TMEM86A: variants seen among roughly 807,000 people sequenced by gnomAD.
TMEM86A encodes the protein transmembrane protein 86A.
A neutral mutation model predicts 19.8 loss-of-function variants in TMEM86A; 13 were observed. That is an observed-to-expected ratio of 0.66 (90% CI 0.43 to 1.04). The LOEUF is 1.04. Among genes scored for constraint, TMEM86A ranks in the 50% least tolerant of loss-of-function variants. TMEM86A has a pLI of 0.00. For synonymous variants in TMEM86A, 128 were observed against 129.9 expected (o/e 0.99, Z 0.10); for missense variants, 248 against 306.8 (o/e 0.81, Z 1.43).
At position 18,701,548 on chromosome 11, in the gene TMEM86A, C is replaced by T. The variant is rs1253763994; in HGVS notation, c.287-25C>T. Reference sequence around the variant, plus strand: ...CATTCTTCATCAAGCTTGCCCTCAGCTGCCTTTGCCCCTCTTACCCCCAGG... The same window carrying T: ...CATTCTTCATCAAGCTTGCCCTCAGTTGCCTTTGCCCCTCTTACCCCCAGG... On this transcript the variant is annotated intron_variant, in intron 2 of 2. Transcript: ENST00000280734. This position sits in a 1 kb window ranked among gnomAD's most constrained non-coding sequence, Gnocchi z 5.3. 6.5e-7 allele frequency: 1 copy of T among 1,531,196 alleles called. No homozygotes were observed. The highest frequency in any genetic ancestry group is 8.8e-7 in the Non-Finnish European group (1 of 1,139,946). The allele number at this position is 1,531,196 out of a possible 1,614,324, so 94.9% of individuals were successfully genotyped here.
chr11:18,699,023 G>A lies in TMEM86A; in HGVS notation c.21+116G>A, dbSNP rs1848126841. ...GCCGAGGCGGGGCGGGGGTCCCGTG[G>A]CGGCCGGAGTCCCGCGGCGGGAGGC... On this transcript the variant is annotated intron_variant, in intron 1 of 2. Coordinates refer to ENST00000280734, the MANE Select transcript of TMEM86A (RefSeq NM_153347.3). This position sits in a 1 kb window ranked among gnomAD's most constrained non-coding sequence, Gnocchi z 4.0. The A allele has an allele frequency of 2.6e-6, 1 of 380,416 alleles. No homozygotes were observed. Among genetic ancestry groups the A allele is most frequent in the African/African-American group, 2.1e-5 (1 of 47,592 alleles). 23.6% of individuals were successfully genotyped at this position (380,416 alleles called of 1,614,324 possible).
At position 18,701,638 on chromosome 11, in the gene TMEM86A, C is replaced by G. The variant is rs779973876; in HGVS notation, c.352C>G (p.Leu118Val). Residue 118 changes from leucine to valine, a missense_variant, in exon 3 of 3, where the codon CTT becomes GTT. By Grantham distance (32) the Leu-to-Val change is conservative (BLOSUM62 1). Coordinates refer to ENST00000280734, the MANE Select transcript of TMEM86A (RefSeq NM_153347.3). The surrounding 1 kb of genome is among the most constrained non-coding windows in gnomAD (Gnocchi z 5.3). ...ASAFGMQPLA[L>V]RTGLVMAALS... ...GGCCTTTGGCATGCAGCCACTGGCT[C>G]TTCGGACAGGTCTGGTGATGGCAGC... 1.5e-5 allele frequency: 24 copies of G among 1,599,846 alleles called. No individual in the cohort carries two copies. In the Admixed American group the frequency reaches 3.9e-4, roughly 26 times the overall value.
In TMEM86A at chr11:18,701,091, A is replaced by G; in HGVS notation, c.180A>G (p.Gly60=). 6.2e-7 allele frequency: 1 copy of G among 1,614,008 alleles called. No individual in the cohort carries two copies. The highest frequency in any genetic ancestry group is 8.5e-7 in the Non-Finnish European group (1 of 1,180,012). The change falls in exon 2 of 3, where the codon GGA becomes GGG. Residue 60 remains glycine (G), a synonymous_variant. Coordinates refer to ENST00000280734, the MANE Select transcript of TMEM86A (RefSeq NM_153347.3). The surrounding 1 kb of genome is among the most constrained non-coding windows in gnomAD (Gnocchi z 5.3). ...LWLFLLAHGL[G]FLLAHPSATR... is the part of the protein sequence containing the mutation. ...TCTTCCTTCTGGCCCATGGCCTGGG[A>G]TTCCTGCTGGCCCACCCCAGCGCCA...
In TMEM86A at chr11:18,704,752, C is replaced by T. The variant is rs547524255; in HGVS notation, c.*2743C>T. 4.7e-5 allele frequency: 25 copies of T among 536,034 alleles called. No individual in the cohort carries two copies. The highest frequency in any genetic ancestry group is 8.1e-5 in the Non-Finnish European group (24 of 297,012). 33.2% of individuals were successfully genotyped at this position (536,034 alleles called of 1,614,324 possible). On this transcript the variant is annotated 3_prime_UTR_variant, in exon 3 of 3. Coordinates refer to ENST00000280734, the MANE Select transcript of TMEM86A (RefSeq NM_153347.3). ...GCAGTTGTGTACTGTCTCATTTAAGCCTCATAGTCCTATAAAGAAGATGAG... is the reference window on the plus strand; with the variant it reads ...GCAGTTGTGTACTGTCTCATTTAAGTCTCATAGTCCTATAAAGAAGATGAG...
chr11:18,700,481 T>C (rs778977019), intron 1 of TMEM86A: 128 of 172,704 alleles, frequency 7.4e-4, no homozygotes, highest in Non-Finnish European at 1.2e-3. Flanking sequence ...TTTCCCACAT[T>C]CCTGGCACAC....
At chr11:18,700,575 T>G in intron 1 of TMEM86A, 1 of 297,858 alleles carries the variant, frequency 3.4e-6, no homozygotes. Flanking sequence ...TCTCTGTGGT[T>G]TCCCACTGAC....
At position 18,702,603 on chromosome 11, in the gene TMEM86A, G is replaced by A; in HGVS notation, c.*594G>A. ...GTGGTGGGTGGGGACATGAAGAGGTGTGGGTCCAGGTTAGGCAGGAGAGAG... is the reference window on the plus strand; with the variant it reads ...GTGGTGGGTGGGGACATGAAGAGGTATGGGTCCAGGTTAGGCAGGAGAGAG... On this transcript the variant is annotated 3_prime_UTR_variant, in exon 3 of 3. Transcript: ENST00000280734. 1 of 157,366 alleles carries A rather than the reference G, an allele frequency of 6.4e-6. No homozygotes were observed. Among genetic ancestry groups the A allele is most frequent in the South Asian group, 1.9e-4 (1 of 5,230 alleles). 9.7% of individuals were successfully genotyped at this position (157,366 alleles called of 1,614,324 possible).
In TMEM86A at chr11:18,699,051, G is replaced by A. The variant is rs977406380; in HGVS notation, c.21+144G>A. The stretch of plus-strand genomic sequence containing the variant: ...GCCGGAGTCCCGCGGCGGGAGGCGG[G>A]CGCTGTCACCGCCCCCCGCTCCTCA... On this transcript the variant is annotated intron_variant, in intron 1 of 2. Coordinates refer to ENST00000280734, the MANE Select transcript of TMEM86A (RefSeq NM_153347.3). The surrounding 1 kb of genome is among the most constrained non-coding windows in gnomAD (Gnocchi z 4.0). 2.2e-5 allele frequency: 8 copies of A among 366,154 alleles called. No homozygotes were observed. The East Asian group carries it at 3.3e-4, about 15-fold the overall frequency. 22.7% of individuals were successfully genotyped at this position (366,154 alleles called of 1,614,324 possible). A position where few individuals can be genotyped will look rare whatever the true frequency, so the allele number is the denominator to read the frequency against.
rs1351853586 is a variant in TMEM86A at position 18,701,485 on chromosome 11, T to C, written c.287-88T>C. ...TGCTGGGTTATCCCAAACACTCCAC[T>C]CCATCGCCACATCCATCCCTACCCC... On this transcript the variant is annotated intron_variant, in intron 2 of 2. Coordinates refer to ENST00000280734, the MANE Select transcript of TMEM86A (RefSeq NM_153347.3). The surrounding 1 kb of genome is among the most constrained non-coding windows in gnomAD (Gnocchi z 5.3). 16 of 1,392,208 alleles carry C rather than the reference T, an allele frequency of 1.1e-5. No individual in the cohort carries two copies. The highest frequency in any genetic ancestry group is 1.4e-5 in the Non-Finnish European group (14 of 1,022,972). 86.2% of individuals were successfully genotyped at this position (1,392,208 alleles called of 1,614,324 possible).
chr11:18,701,821 G>T lies in TMEM86A; in HGVS notation c.535G>T (p.Ala179Ser). ...AGACTGGCGCTGGACAGAGCTGGCA[G>T]CTGGCAGTGGTGCACTCTTCTTTAT... is the stretch of plus-strand genomic sequence containing the variant. ...GADWRWTELA[A>S]GSGALFFIIS... The change falls in exon 3 of 3, where the codon GCT becomes TCT. Residue 179 changes from alanine to serine, a missense_variant. Transcript: ENST00000280734. The surrounding 1 kb of genome is among the most constrained non-coding windows in gnomAD (Gnocchi z 5.3). 6.2e-7 allele frequency: 1 copy of T among 1,614,162 alleles called. No homozygotes were observed. Among genetic ancestry groups the T allele is most frequent in the South Asian group, 1.1e-5 (1 of 91,086 alleles).
rs1216404678 is a variant in TMEM86A, at chr11:18,699,019, C to T, written c.21+112C>T. The T allele has an allele frequency of 5.2e-6, 2 of 381,544 alleles. No homozygotes were observed. Among genetic ancestry groups the T allele is most frequent in the African/African-American group, 4.2e-5 (2 of 47,500 alleles). 23.6% of individuals were successfully genotyped at this position (381,544 alleles called of 1,614,324 possible). A position where few individuals can be genotyped will look rare whatever the true frequency, so the allele number is the denominator to read the frequency against. The stretch of plus-strand genomic sequence containing the variant: ...AGGGGCCGAGGCGGGGCGGGGGTCC[C>T]GTGGCGGCCGGAGTCCCGCGGCGGG... On this transcript the variant is annotated intron_variant, in intron 1 of 2. Transcript: ENST00000280734. The surrounding 1 kb of genome is among the most constrained non-coding windows in gnomAD (Gnocchi z 4.0).
Position 18,699,019 on chromosome 11 carries a change from C to G in TMEM86A, c.21+112C>G. 2.6e-6 allele frequency: 1 copy of G among 381,652 alleles called. No individual in the cohort carries two copies. Among genetic ancestry groups the G allele is most frequent in the South Asian group, 1.1e-4 (1 of 8,968 alleles). The allele number at this position is 381,652 out of a possible 1,614,324, so 23.6% of individuals were successfully genotyped here. ...AGGGGCCGAGGCGGGGCGGGGGTCC[C>G]GTGGCGGCCGGAGTCCCGCGGCGGG... On this transcript the variant is annotated intron_variant, in intron 1 of 2. Transcript: ENST00000280734. This position sits in a 1 kb window ranked among gnomAD's most constrained non-coding sequence, Gnocchi z 4.0.
At position 18,701,696 on chromosome 11, in the gene TMEM86A, C is replaced by A. The variant is rs753914264; in HGVS notation, c.410C>A (p.Pro137Gln). 1 of 1,614,130 alleles carries A rather than the reference C, an allele frequency of 6.2e-7. No homozygotes were observed. Among genetic ancestry groups the A allele is most frequent in the East Asian group, 2.2e-5 (1 of 44,882 alleles). ...GGCCTGTGCTATGCCCTCCTCTACC[C>A]ATGCCTCTCAGGTGCCTTCACCTAC... ...LSGLCYALLY[P>Q]CLSGAFTYLV... The change falls in exon 3 of 3, where the codon CCA becomes CAA. Residue 137 changes from proline to glutamine, a missense_variant. Pro to Gln is a moderately conservative substitution (Grantham distance 76). Coordinates refer to ENST00000280734, the MANE Select transcript of TMEM86A (RefSeq NM_153347.3). The surrounding 1 kb of genome is among the most constrained non-coding windows in gnomAD (Gnocchi z 5.3).
At position 18,704,565 on chromosome 11, in the gene TMEM86A, A is replaced by G. The variant is rs1454047643; in HGVS notation, c.*2556A>G. On this transcript the variant is annotated 3_prime_UTR_variant, in exon 3 of 3. Transcript: ENST00000280734. Reference sequence around the variant, plus strand: ...TGAAAGAGCAAAGGAAGTATTCGTTATATTAATGATGCTGGCGACCAGGGA... The same window carrying G: ...TGAAAGAGCAAAGGAAGTATTCGTTGTATTAATGATGCTGGCGACCAGGGA... 12 of 1,407,248 alleles carry G rather than the reference A, an allele frequency of 8.5e-6. No individual in the cohort carries two copies. Among genetic ancestry groups the G allele is most frequent in the African/African-American group, 1.4e-5 (1 of 70,376 alleles). 87.2% of individuals were successfully genotyped at this position (1,407,248 alleles called of 1,614,324 possible). A position where few individuals can be genotyped will look rare whatever the true frequency, so the allele number is the denominator to read the frequency against.
Position 18,701,649 on chromosome 11 carries a change from T to G in TMEM86A, c.363T>G (p.Gly121=), listed in dbSNP as rs1377434460. The G allele has an allele frequency of 1.2e-6, 2 of 1,607,982 alleles. No homozygotes were observed. The highest frequency in any genetic ancestry group is 1.7e-6 in the Non-Finnish European group (2 of 1,175,810). ...FGMQPLALRT[G]LVMAALSGLC... ...TGCAGCCACTGGCTCTTCGGACAGG[T>G]CTGGTGATGGCAGCGCTGTCGGGCC... The change falls in exon 3 of 3, where the codon GGT becomes GGG. Residue 121 remains glycine (G), a synonymous_variant. Transcript: ENST00000280734. The surrounding 1 kb of genome is among the most constrained non-coding windows in gnomAD (Gnocchi z 5.3).
In TMEM86A at chr11:18,703,161, G is replaced by A. The variant is rs1288332220; in HGVS notation, c.*1152G>A. The A allele has an allele frequency of 1.3e-5, 2 of 152,396 alleles. No homozygotes were observed. Among genetic ancestry groups the A allele is most frequent in the Non-Finnish European group, 2.9e-5 (2 of 68,060 alleles). 9.4% of individuals were successfully genotyped at this position (152,396 alleles called of 1,614,324 possible). ...TGTGGCACATGCCTATCTTGGAGAG[G>A]GCATGGGGGCATGGTGCCAGAGGCT... On this transcript the variant is annotated 3_prime_UTR_variant, in exon 3 of 3. Transcript: ENST00000280734.
Position 18,701,613 on chromosome 11 carries a change from G to A in TMEM86A, c.327G>A (p.Ser109=), listed in dbSNP as rs373427296. 2.3e-4 allele frequency: 368 copies of A among 1,583,100 alleles called. No homozygotes were observed. The highest frequency in any genetic ancestry group is 1.0e-3 in the Admixed American group (58 of 57,312). ...CTGTGACCCACATGTTCTACGCCTC[G>A]GCCTTTGGCATGCAGCCACTGGCTC... ...MFAVTHMFYA[S]AFGMQPLALR... The change falls in exon 3 of 3, where the codon TCG becomes TCA. Residue 109 remains serine (S), a synonymous_variant. Coordinates refer to ENST00000280734, the MANE Select transcript of TMEM86A (RefSeq NM_153347.3). The surrounding 1 kb of genome is among the most constrained non-coding windows in gnomAD (Gnocchi z 5.3).
Position 18,701,930 on chromosome 11 carries a change from T to C in TMEM86A, c.644T>C (p.Val215Ala), listed in dbSNP as rs7945285. 6.6e-3 allele frequency: 10,688 copies of C among 1,613,850 alleles called. 655 individuals are homozygous for C. The African/African-American group carries it at 0.13, about 19-fold the overall frequency. Residue 215 changes from valine to alanine, a missense_variant, in exon 3 of 3, where the codon GTG (valine) becomes GCG (alanine). Coordinates refer to ENST00000280734, the MANE Select transcript of TMEM86A (RefSeq NM_153347.3). The surrounding 1 kb of genome is among the most constrained non-coding windows in gnomAD (Gnocchi z 5.3). Reference sequence around the variant, plus strand: ...GCGCTTATCATGTCCACCTACTATGTGGCCCAGATGCTCGTCGCCTTGTCA... The same window carrying C: ...GCGCTTATCATGTCCACCTACTATGCGGCCCAGATGCTCGTCGCCTTGTCA... The part of the protein sequence containing the change: ...SRALIMSTYY[V>A]AQMLVALSAV...
In TMEM86A at chr11:18,702,254, C is replaced by T. The variant is rs767861689; in HGVS notation, c.*245C>T. 4.8e-5 allele frequency: 27 copies of T among 557,360 alleles called. No individual in the cohort carries two copies. Among genetic ancestry groups the T allele is most frequent in the Non-Finnish European group, 8.0e-5 (25 of 311,022 alleles). The allele number at this position is 557,360 out of a possible 1,614,324, so 34.5% of individuals were successfully genotyped here. A position where few individuals can be genotyped will look rare whatever the true frequency, so the allele number is the denominator to read the frequency against. Reference sequence around the variant, plus strand: ...ACTGGAGCCAGAAGTAGACATCTCCCCACCTCTACCCTATCAGGACTTTCA... The same window carrying T: ...ACTGGAGCCAGAAGTAGACATCTCCTCACCTCTACCCTATCAGGACTTTCA... On this transcript the variant is annotated 3_prime_UTR_variant, in exon 3 of 3. Transcript: ENST00000280734.
Sources: gnomAD v4.1 joint callset for allele counts on GRCh38, gnomAD v4.1.1 for gene constraint, Gnocchi (gnomAD v3.1) non-coding constraint, MANE v1.5 for transcripts, NCBI Gene and HGNC (gene_info 2026-07-23, HGNC 2026-07-21) for gene names.